Variants in CDH3 observed in about 807,000 individuals in gnomAD.
The protein encoded by CDH3 is cadherin-3.
A neutral mutation model predicts 82.0 loss-of-function variants in CDH3; 54 were observed. That is an observed-to-expected ratio of 0.66 (90% CI 0.53 to 0.83). CDH3 has a LOEUF of 0.83. Ranked by LOEUF, CDH3 falls within the 40% of genes least tolerant of loss-of-function variation. The pLI is 0.00. For missense variants in CDH3, 1,054 were observed against 1,084.6 expected, an observed-to-expected ratio of 0.97 and a Z score of 0.40; for synonymous variants, 446 against 437.9, an observed-to-expected ratio of 1.02 and a Z score of -0.23.
At chr16:68,732,134 C>A (rs1023654671), downstream of CDH3, among the ~76,000 whole-genome samples, 2 of 150,830 alleles carry the variant, frequency 1.3e-5, no homozygotes, top group Admixed American at 1.3e-4. Flanking sequence ...CCAGTTCCCG[C>A]CCCTCCATGC....
rs747182343 is a variant in CDH3, at chr16:68,676,446, T to G, written c.222T>G (p.Thr74=). The G allele has an allele frequency of 6.2e-7, 1 of 1,613,864 alleles. No individual in the cohort carries two copies. Among genetic ancestry groups the G allele is most frequent in the Non-Finnish European group, 8.5e-7 (1 of 1,179,718 alleles). ...ALFSTDNDDF[T]VRNGETVQER... ...TTAGCACTGATAATGATGACTTCAC[T>G]GTGCGGAATGGCGAGACAGTCCAGG... is the stretch of plus-strand genomic sequence containing the variant. Residue 74 remains threonine (T), a synonymous_variant, in exon 3 of 16, where the codon ACT becomes ACG. Transcript: ENST00000264012.
intron 1 of CDH3, among the ~76,000 whole-genome samples, chr16:68,719,910 T>C (rs991620503): frequency 6.6e-6 from 1 of 152,012 alleles, no homozygotes; most frequent in African/African-American, 2.4e-5. Flanking sequence ...TCCCAACACT[T>C]TGGGAGGCTG....
At chr16:68,721,826 A>G (rs1962167711) in intron 1 of CDH3, among the ~76,000 whole-genome samples, 1 of 152,166 alleles carries the variant, frequency 6.6e-6, no homozygotes, top group Non-Finnish European at 1.5e-5. Context: ...GTGGTGGCTC[A>G]CGCCTGTAAT....
downstream of CDH3, among the ~76,000 whole-genome samples, chr16:68,701,666 C>T (rs1007301427): frequency 2.0e-5 from 3 of 151,956 alleles, no homozygotes; most frequent in African/African-American, 4.8e-5. Context: ...CTGCCTCAGC[C>T]TCCCAAGTAG....
At chr16:68,646,980 A>G (rs1282394087) in intron 2 of CDH3, among the ~76,000 whole-genome samples, 2 of 104,026 alleles carry the variant, frequency 1.9e-5, no homozygotes, top group Admixed American at 2.0e-4. Flanking sequence ...CCTTTTTAAA[A>G]AAATTCTTTC....
At chr16:68,716,216 GAA>G (rs879629618) in intron 1 of CDH3, among the ~76,000 whole-genome samples, 8 of 111,576 alleles carry the variant, frequency 7.2e-5, no homozygotes, top group East Asian at 2.6e-4. Context: ...TGCAGTGAGA[GAA>G]AAAAAAAAAA....
chr16:68,654,715 T>A (rs28871673), intron 2 of CDH3, among the ~76,000 whole-genome samples: 1,246 of 84,778 alleles, frequency 0.015, 8 homozygotes, highest in Middle Eastern at 0.068. Flanking sequence ...AAAAAAAAAA[T>A]ATATATATAT....
chr16:68,717,002 G>A (rs1222958230), intron 1 of CDH3, among the ~76,000 whole-genome samples: 1 of 151,664 alleles, frequency 6.6e-6, no homozygotes, highest in African/African-American at 2.4e-5. Context: ...CAAAGTGCTG[G>A]GATTATAGGC....
At chr16:68,645,780 A>G (rs1314749409) in intron 2 of CDH3, 30 bp downstream of exon 2, 8 of 1,498,556 alleles carry the variant, frequency 5.3e-6, no homozygotes, top group South Asian at 3.6e-5. Flanking sequence ...ACCGCAGGGT[A>G]GGGGCCGCAC....
At chr16:68,706,184 T>C (rs188708400) in intron 1 of CDH3, among the ~76,000 whole-genome samples, 1 of 151,834 alleles carries the variant, frequency 6.6e-6, no homozygotes, top group East Asian at 1.9e-4. Flanking sequence ...TAAAAGATAC[T>C]CTATCTTTCT....
intron 1 of CDH3, among the ~76,000 whole-genome samples, chr16:68,709,353 C>G (rs148442070): frequency 0.01 from 1,521 of 152,008 alleles, 13 homozygotes; most frequent in Middle Eastern, 0.034. Flanking sequence ...ATTACAGGCA[C>G]GAGCCCCTGC....
intron 7 of CDH3, 49 bp from the exon 8 acceptor site, chr16:68,680,919 A>T (rs778659319): frequency 2.5e-6 from 4 of 1,611,186 alleles, no homozygotes; most frequent in Non-Finnish European, 3.4e-6. Flanking sequence ...CAGGGGAGGG[A>T]CCCTTCAGAT....
rs1000998850 is a variant in CDH3, at chr16:68,678,641, G to A, written c.531G>A (p.Glu177=). ...TGAATAAGCCACTGGACCGGGAGGAGATTGCCAAGTATGAGGCAAGTAGCC... is the reference window on the plus strand; with the variant it reads ...TGAATAAGCCACTGGACCGGGAGGAAATTGCCAAGTATGAGGCAAGTAGCC... ...LLLNKPLDRE[E]IAKYELFGHA... The change falls in exon 5 of 16, where the codon GAG becomes GAA. Residue 177 remains glutamate (E), a synonymous_variant. Transcript: ENST00000264012. 5 of 1,614,120 alleles carry A rather than the reference G, an allele frequency of 3.1e-6. No individual in the cohort carries two copies. In the African/African-American group the frequency reaches 6.7e-5, roughly 22 times the overall value.
intron 1 of CDH3, among the ~76,000 whole-genome samples, chr16:68,717,938 T>C (rs1157037221): frequency 6.6e-6 from 1 of 152,140 alleles, no homozygotes; most frequent in Non-Finnish European, 1.5e-5. Flanking sequence ...CTTCCCAGAC[T>C]CCAGAATCAT....
downstream of CDH3, among the ~76,000 whole-genome samples, chr16:68,704,962 C>G (rs1483530469): frequency 6.6e-6 from 1 of 152,068 alleles, no homozygotes; most frequent in East Asian, 1.9e-4. Flanking sequence ...ACTCGGGAGG[C>G]TGAGGAGGAG....
At chr16:68,680,839 A>G in intron 7 of CDH3, 129 bp from the exon 8 acceptor site, 1 of 1,006,462 alleles carries the variant, frequency 9.9e-7, no homozygotes, top group Non-Finnish European at 1.6e-6. Flanking sequence ...GTGGTCAAGG[A>G]GTCAGCGTTA....
At chr16:68,662,384 G>A (rs899054031) in intron 2 of CDH3, among the ~76,000 whole-genome samples, 7 of 152,150 alleles carry the variant, frequency 4.6e-5, no homozygotes, top group Non-Finnish European at 1.0e-4. Context: ...CTTGAGCCTA[G>A]GAGGTCTAGG....
At chr16:68,650,361 A>G (rs902355863) in intron 2 of CDH3, among the ~76,000 whole-genome samples, 9 of 151,968 alleles carry the variant, frequency 5.9e-5, no homozygotes, top group African/African-American at 1.9e-4. Context: ...CTGGAGTGCA[A>G]TGGCGCAGTC....
chr16:68,651,312 G>A (rs1216263343), intron 2 of CDH3: 9 of 550,146 alleles, frequency 1.6e-5, no homozygotes, highest in African/African-American at 5.7e-5. Context: ...TGTGGCTGGC[G>A]CACTTGTTTG....
Sources: allele counts gnomAD v4.1 joint callset (sites outside exome capture counted in the v4.1 genomes callset), GRCh38; gene constraint gnomAD v4.1.1; transcripts MANE v1.5; gene names NCBI Gene and HGNC (gene_info 2026-07-23, HGNC 2026-07-21).